Variants in ROBO2 observed in about 807,000 individuals in gnomAD.
ROBO2 encodes roundabout homolog 2.
Under a neutral mutation model 160.8 loss-of-function variants are expected in ROBO2, and 53 were observed. The ratio of observed to expected loss-of-function variants is 0.33; its 90% CI spans 0.26 to 0.41. The LOEUF (loss-of-function observed/expected upper bound fraction) is 0.41, where lower values mean the gene tolerates loss of function less well. Among genes scored for constraint, ROBO2 ranks in the 10% least tolerant of loss-of-function variants. The pLI is 1.00. For missense variants in ROBO2, 1,577 were observed against 1,722.4 expected, an observed-to-expected ratio of 0.92 and a Z score of 1.49; for synonymous variants, 664 against 611.7, an observed-to-expected ratio of 1.09 and a Z score of -1.26.
intron 2 of ROBO2, among the ~76,000 whole-genome samples, chr3:76,590,058 G>A (rs1414460952): frequency 2.6e-5 from 4 of 151,880 alleles, no homozygotes; most frequent in African/African-American, 7.3e-5. Context: ...AAATACGATG[G>A]ATATTTAAAA....
chr3:76,408,614 C>A (rs886587014), intron 2 of ROBO2, among the ~76,000 whole-genome samples: 2 of 151,838 alleles, frequency 1.3e-5, no homozygotes, highest in African/African-American at 4.8e-5. Context: ...CATCAATGTG[C>A]AAATATATTT....
chr3:76,486,109 G>C (rs2079483891), intron 2 of ROBO2, among the ~76,000 whole-genome samples: 1 of 152,160 alleles, frequency 6.6e-6, no homozygotes, highest in South Asian at 2.1e-4. Flanking sequence ...GTTATCATCA[G>C]GGGCTGCAAA....
At chr3:77,450,697 G>A (rs1255697921) in intron 2 of ROBO2, among the ~76,000 whole-genome samples, 1 of 152,066 alleles carries the variant, frequency 6.6e-6, no homozygotes. Flanking sequence ...AGTACAGCAA[G>A]CCTAAAGGCT....
chr3:76,873,361 G>C (rs1364022390), intron 2 of ROBO2, among the ~76,000 whole-genome samples: 1 of 152,096 alleles, frequency 6.6e-6, no homozygotes, highest in East Asian at 1.9e-4. Context: ...ACATTCCTAA[G>C]AACATCCAGC....
intron 2 of ROBO2, among the ~76,000 whole-genome samples, chr3:77,297,510 G>T (rs1003201958): frequency 1.3e-5 from 2 of 152,104 alleles, no homozygotes; most frequent in Non-Finnish European, 2.9e-5. Flanking sequence ...GGCAGATCTG[G>T]TTAAAGGAAA....
At chr3:76,982,014 G>A (rs568406507) in intron 2 of ROBO2, among the ~76,000 whole-genome samples, 34 of 152,158 alleles carry the variant, frequency 2.2e-4, no homozygotes, top group Non-Finnish European at 1.5e-4. Context: ...TTCAACATGA[G>A]ATTTGGGCAG....
At chr3:76,212,645 C>T (rs1019978375) in intron 2 of ROBO2, among the ~76,000 whole-genome samples, 1 of 152,064 alleles carries the variant, frequency 6.6e-6, no homozygotes, top group African/African-American at 2.4e-5. Context: ...GCTAAAATTA[C>T]AAGTGTGGTA....
chr3:75,963,122 A>G (rs653499), intron 2 of ROBO2, among the ~76,000 whole-genome samples: 138,429 of 151,858 alleles, frequency 0.91, 64,102 homozygotes, highest in East Asian at 1. Flanking sequence ...AGAGCAAAAT[A>G]TAATTGACAG....
intron 2 of ROBO2, among the ~76,000 whole-genome samples, chr3:76,349,140 T>C (rs529799962): frequency 4.6e-5 from 7 of 152,234 alleles, no homozygotes; most frequent in African/African-American, 1.4e-4. Context: ...TTTTGATCAA[T>C]TGAGCCTAAA....
intron 2 of ROBO2, among the ~76,000 whole-genome samples, chr3:76,807,539 G>C (rs1161789614): frequency 1.3e-5 from 2 of 151,968 alleles, no homozygotes; most frequent in African/African-American, 4.8e-5. Flanking sequence ...ATCAAAAATT[G>C]AATATTACCT....
intron 2 of ROBO2, among the ~76,000 whole-genome samples, chr3:76,085,022 T>C (rs13080647): frequency 9.2e-5 from 14 of 152,104 alleles, no homozygotes; most frequent in African/African-American, 3.1e-4. Flanking sequence ...CCTGTGTGCT[T>C]GGAAATGCTG....
At chr3:76,510,687 C>G (rs534230214) in intron 2 of ROBO2, among the ~76,000 whole-genome samples, 2 of 152,020 alleles carry the variant, frequency 1.3e-5, no homozygotes, top group African/African-American at 4.8e-5. Context: ...CCTTCCACTG[C>G]ACTCCAGCCT....
intron 2 of ROBO2, among the ~76,000 whole-genome samples, chr3:77,030,665 GCCTGATATTCC>G (rs375618575): frequency 1.5e-4 from 23 of 152,228 alleles, no homozygotes; most frequent in African/African-American, 4.6e-4. Flanking sequence ...GCATCTGGTG[GCCTGATATTCC>G]CCAGCTTGTA....
chr3:77,212,014 C>T (rs1482389137), intron 2 of ROBO2, among the ~76,000 whole-genome samples: 1 of 152,142 alleles, frequency 6.6e-6, no homozygotes, highest in Non-Finnish European at 1.5e-5. Flanking sequence ...AGCGTGATGC[C>T]TCCAGCTTTG....
At chr3:77,425,294 A>C (rs917010857) in intron 2 of ROBO2, among the ~76,000 whole-genome samples, 1 of 152,194 alleles carries the variant, frequency 6.6e-6, no homozygotes, top group African/African-American at 2.4e-5. Flanking sequence ...ACACATTGCA[A>C]ATTGCTGGAA....
chr3:77,636,367 G>A (rs2095263769), intron 24 of ROBO2, among the ~76,000 whole-genome samples: 1 of 152,056 alleles, frequency 6.6e-6, no homozygotes. Flanking sequence ...GCTGAGGCGG[G>A]CAGATCACAG....
rs118035236 is a variant in ROBO2 at position 77,572,020 on chromosome 3, A to C, written c.1972-2479A>C. On this transcript the variant is annotated intron_variant, in intron 13 of 25. Transcript: ENST00000461745. Reference sequence around the variant, plus strand: ...ACTGAAGTGTGCAAGTGTGCAAAACAATGTTTTGTGGTAAACATTAGCTTC... The same window carrying C: ...ACTGAAGTGTGCAAGTGTGCAAAACCATGTTTTGTGGTAAACATTAGCTTC... Among the ~76,000 whole-genome samples the C allele has an allele frequency of 1.8e-4, 27 of 152,100 alleles. No individual in the cohort carries two copies. In the East Asian group the frequency reaches 5.2e-3, roughly 30 times the overall value.
intron 2 of ROBO2, among the ~76,000 whole-genome samples, chr3:76,241,168 A>C (rs1484777576): frequency 6.6e-6 from 1 of 152,146 alleles, no homozygotes; most frequent in East Asian, 1.9e-4. Flanking sequence ...TTCCCCACTC[A>C]CAGGTATTTC....
intron 1 of ROBO2, among the ~76,000 whole-genome samples, chr3:75,924,102 A>G (rs957189795): frequency 8.5e-5 from 13 of 152,178 alleles, no homozygotes; most frequent in African/African-American, 3.1e-4. Flanking sequence ...ATGATACATA[A>G]CTTTACTTTT....
Sources: allele counts gnomAD v4.1 joint callset (sites outside exome capture counted in the v4.1 genomes callset), GRCh38; gene constraint gnomAD v4.1.1; transcripts MANE v1.5; gene names NCBI Gene and HGNC (gene_info 2026-07-23, HGNC 2026-07-21).